Variants in CSMD3 observed in about 807,000 individuals in gnomAD.
The protein encoded by CSMD3 is CUB and Sushi multiple domains 3, also known as CUB and sushi domain-containing protein 3.
CSMD3 carries 177 observed loss-of-function variants against 435.2 expected under a neutral mutation model. That is an observed-to-expected ratio of 0.41 (90% CI 0.36 to 0.46). The LOEUF is 0.46. CSMD3 is among the 20% of genes least tolerant of loss of function. The pLI is 0.34. For missense variants in CSMD3, 4,265 were observed against 4,504.6 expected (o/e 0.95, Z 1.52); for synonymous variants, 1,656 against 1,520.5 (o/e 1.09, Z -2.07).
At chr8:112,942,128 A>T (rs917621008) in intron 9 of CSMD3, among the ~76,000 whole-genome samples, 5 of 151,036 alleles carry the variant, frequency 3.3e-5, no homozygotes, top group African/African-American at 4.9e-5. Flanking sequence ...TGAACTCCTG[A>T]CAACCAGTGT....
chr8:112,714,358 T>C (rs1456099520), intron 13 of CSMD3, among the ~76,000 whole-genome samples: 1 of 152,156 alleles, frequency 6.6e-6, no homozygotes, highest in Non-Finnish European at 1.5e-5. Flanking sequence ...AAGGGATCAA[T>C]TCAATATGAA....
At chr8:113,179,644 G>A (rs541816478) in intron 3 of CSMD3, among the ~76,000 whole-genome samples, 36 of 151,794 alleles carry the variant, frequency 2.4e-4, no homozygotes, top group African/African-American at 7.7e-4. Context: ...GTTACCAAAA[G>A]ATATATTCAA....
rs1812810355 is a variant in CSMD3 at position 112,228,787 on chromosome 8, C to A, written c.10933G>T (p.Ala3645Ser). The A allele has an allele frequency of 1.9e-6, 3 of 1,589,774 alleles. No individual in the cohort carries two copies. Among genetic ancestry groups the A allele is most frequent in the African/African-American group, 1.3e-5 (1 of 74,182 alleles). Residue 3645 changes from alanine (A) to serine (S), a missense_variant, in exon 70 of 71, where the codon GCA becomes TCA. Around this residue, in one of 3 missense-constraint regions of CSMD3, gnomAD observed 3,255 missense variants for 3,380.2 expected, o/e 0.96. Transcript: ENST00000297405. ...ILVPFFALIF[A>S]GFGFYLYKQR... The stretch of plus-strand genomic sequence containing the variant: ...TTATAAAGATAAAATCCAAATCCTG[C>A]AAATATAAGTGCAAAAAAAGGCACA...
intron 28 of CSMD3, among the ~76,000 whole-genome samples, chr8:112,515,647 G>T (rs1040328223): frequency 6.6e-6 from 1 of 151,974 alleles, no homozygotes; most frequent in Admixed American, 6.6e-5. Context: ...AGCTAAATCT[G>T]AACTGTTCAA....
intron 9 of CSMD3, among the ~76,000 whole-genome samples, chr8:112,933,094 G>A (rs2083167172): frequency 6.6e-6 from 1 of 152,130 alleles, no homozygotes; most frequent in African/African-American, 2.4e-5. Flanking sequence ...GGATTGGGGA[G>A]TTGGGAGTAA....
intron 2 of CSMD3, chr8:113,312,814 G>A (rs961089994): frequency 3.3e-5 from 5 of 151,988 alleles, no homozygotes; most frequent in African/African-American, 9.7e-5. Flanking sequence ...TCAGACGTGC[G>A]TACCATAATG....
intron 1 of CSMD3, among the ~76,000 whole-genome samples, chr8:113,388,929 A>G (rs1447767394): frequency 1.3e-5 from 2 of 151,594 alleles, no homozygotes; most frequent in African/African-American, 2.4e-5. Context: ...TGAGTGTAAG[A>G]GCGCTGGAAG....
In CSMD3 at chr8:112,275,108, A is replaced by G. The variant is rs552505649; in HGVS notation, c.9508+6066T>C. 3.9e-5 allele frequency among the ~76,000 whole-genome samples: 6 copies of G among 152,072 alleles called. No homozygotes were observed. In the East Asian group the frequency reaches 9.7e-4, roughly 25 times the overall value. On this transcript the variant is annotated intron_variant, in intron 59 of 70. Coordinates refer to ENST00000297405, the MANE Select transcript of CSMD3 (RefSeq NM_198123.2). The stretch of plus-strand genomic sequence containing the variant: ...ATTTGGCATCAGCAGGGAAGTTCAA[A>G]CCATGCAAACCCTGGCACACTCACT...
chr8:112,889,862 C>T (rs1222447865), intron 10 of CSMD3, among the ~76,000 whole-genome samples: 1 of 151,518 alleles, frequency 6.6e-6, no homozygotes, highest in Non-Finnish European at 1.5e-5. Flanking sequence ...TATTTAAAGA[C>T]AGGTTGTCAG....
At chr8:112,700,264 G>T (rs2076360077) in intron 13 of CSMD3, among the ~76,000 whole-genome samples, 1 of 152,088 alleles carries the variant, frequency 6.6e-6, no homozygotes, top group South Asian at 2.1e-4. Context: ...ACTTTGGGAG[G>T]CCAAGGAAGG....
chr8:112,260,014 C>T (rs149089447), intron 61 of CSMD3, among the ~76,000 whole-genome samples: 29 of 152,202 alleles, frequency 1.9e-4, no homozygotes, highest in Admixed American at 4.6e-4. Flanking sequence ...TATTTCTATC[C>T]GTGAATTTTC....
Position 112,244,526 on chromosome 8 carries a change from CT to C in CSMD3, c.10269del (p.Met3425TrpfsTer10). The C allele has an allele frequency of 1.2e-6, 2 of 1,613,846 alleles. No homozygotes were observed. Among genetic ancestry groups the C allele is most frequent in the Non-Finnish European group, 1.7e-6 (2 of 1,179,844 alleles). ...TACCCATGAGATGGAAGGTCCATCCCTACGACATTTGCATGAGCAGGAGTTT... is the reference window on the plus strand; with the variant it reads ...TACCCATGAGATGGAAGGTCCATCCCACGACATTTGCATGAGCAGGAGTTT... The part of the protein sequence containing the change: ...QPETPAHANV[V>X]GMDLPSHGYT... On this transcript the variant is annotated frameshift_variant, in exon 65 of 71. Coordinates refer to ENST00000297405, the MANE Select transcript of CSMD3 (RefSeq NM_198123.2). LOFTEE classifies it high-confidence loss of function.
At chr8:112,982,802 A>G (rs1041144535) in intron 6 of CSMD3, among the ~76,000 whole-genome samples, 1 of 152,026 alleles carries the variant, frequency 6.6e-6, no homozygotes, top group Non-Finnish European at 1.5e-5. Context: ...TTCTTTCTGA[A>G]TAATATAAAA....
At position 112,798,962 on chromosome 8, in the gene CSMD3, C is replaced by T. The variant is rs541323294; in HGVS notation, c.1972+1200G>A. Among the ~76,000 whole-genome samples, 6 of 151,726 alleles carry T rather than the reference C, an allele frequency of 4.0e-5. No individual in the cohort carries two copies. In the South Asian group the frequency reaches 1.2e-3, roughly 32 times the overall value. On this transcript the variant is annotated intron_variant, in intron 13 of 70. Coordinates refer to ENST00000297405, the MANE Select transcript of CSMD3 (RefSeq NM_198123.2). ...AGCATTACACAATATTTCCAAGTAACAAATGTGCACACAGACCCCCTGCAT... is the reference window on the plus strand; with the variant it reads ...AGCATTACACAATATTTCCAAGTAATAAATGTGCACACAGACCCCCTGCAT...
chr8:113,147,321 C>A (rs1412859908), intron 4 of CSMD3, among the ~76,000 whole-genome samples: 1 of 151,632 alleles, frequency 6.6e-6, no homozygotes, highest in Middle Eastern at 3.2e-3. Flanking sequence ...CTATATATTG[C>A]ATAAAAGTTT....
chr8:112,699,885 G>A (rs1468445281), intron 13 of CSMD3, among the ~76,000 whole-genome samples: 3 of 152,136 alleles, frequency 2.0e-5, no homozygotes, highest in African/African-American at 7.2e-5. Context: ...CAGATTGAAG[G>A]AAATGAAAGA....
chr8:112,934,559 A>G (rs2083218023), intron 9 of CSMD3, among the ~76,000 whole-genome samples: 1 of 152,136 alleles, frequency 6.6e-6, no homozygotes, highest in Non-Finnish European at 1.5e-5. Context: ...AAAAGCAAAT[A>G]TCATACCATT....
chr8:112,778,099 A>G (rs1361265482), intron 13 of CSMD3, among the ~76,000 whole-genome samples: 3 of 151,880 alleles, frequency 2.0e-5, no homozygotes, highest in Non-Finnish European at 4.4e-5. Flanking sequence ...AAAATTAAAC[A>G]GGAAGTACAG....
chr8:112,277,696 A>C (rs1336671663), intron 59 of CSMD3, among the ~76,000 whole-genome samples: 1 of 152,194 alleles, frequency 6.6e-6, no homozygotes, highest in Non-Finnish European at 1.5e-5. Flanking sequence ...AAAGAAAAAG[A>C]GATTTAATGG....
Sources: allele counts gnomAD v4.1 joint callset (sites outside exome capture counted in the v4.1 genomes callset), GRCh38; gene constraint gnomAD v4.1.1; regional missense constraint gnomAD v4.1.1; transcripts MANE v1.5; gene names NCBI Gene and HGNC (gene_info 2026-07-23, HGNC 2026-07-21).